COASY: variants seen among roughly 807,000 people sequenced by gnomAD.
COASY encodes the protein Coenzyme A synthase.
Under a neutral mutation model 49.4 loss-of-function variants are expected in COASY, and 31 were observed. The ratio of observed to expected loss-of-function variants is 0.63; its 90% CI spans 0.47 to 0.85. COASY has a LOEUF of 0.85. Ranked by LOEUF, COASY falls within the 40% of genes least tolerant of loss-of-function variation. The pLI, the probability that COASY is intolerant of heterozygous loss-of-function variation, is 0.00. For synonymous variants in COASY, 285 were observed against 310.9 expected, an observed-to-expected ratio of 0.92 and a Z score of 0.88; for missense variants, 730 against 734.1, an observed-to-expected ratio of 0.99 and a Z score of 0.06.
At chr17:42,565,185 C>T (rs931298529) in intron 5 of COASY, 42 bp from the exon 6 acceptor site, 1 of 1,609,602 alleles carries the variant, frequency 6.2e-7, no homozygotes, top group African/African-American at 1.3e-5. Context: ...CTGGCTGCCT[C>T]TTCTAGAGAA....
chr17:42,563,708 G>A, intron 1 of COASY: 1 of 546,512 alleles, frequency 1.8e-6, no homozygotes, highest in South Asian at 2.4e-5. Context: ...GATGCCCTCT[G>A]GCACTGCTCG....
chr17:42,564,139 T>TG lies in COASY; in HGVS notation c.885dup (p.Met296AspfsTer9). ...TGGTGGTCAGCGAGGAGACCTATCGTGGGGGGATGGCCATCAACCGCTTCC... is the reference window on the plus strand; with the variant it reads ...TGGTGGTCAGCGAGGAGACCTATCGTGGGGGGGATGGCCATCAACCGCTTCC... On this transcript the variant is annotated frameshift_variant, in exon 2 of 9. Transcript: ENST00000393818. LOFTEE classifies it high-confidence loss of function. 1.2e-6 allele frequency: 2 copies of TG among 1,613,752 alleles called. No homozygotes were observed. Among genetic ancestry groups the TG allele is most frequent in the Non-Finnish European group, 8.5e-7 (1 of 1,179,924 alleles).
At position 42,565,769 on chromosome 17, in the gene COASY, C is replaced by T. The variant is rs764558706; in HGVS notation, c.1596C>T (p.Leu532=). 9 of 1,613,792 alleles carry T rather than the reference C, an allele frequency of 5.6e-6. No individual in the cohort carries two copies. The East Asian group carries it at 1.3e-4, about 24-fold the overall frequency. ...QQLVEQSHVV[L]STLWEPHITQ... is the part of the protein sequence containing the mutation. The stretch of plus-strand genomic sequence containing the variant: ...TTGTGGAACAGAGCCACGTGGTGCT[C>T]AGCACCTTGTGGGAGCCGCATATCA... The change falls in exon 8 of 9, where the codon CTC becomes CTT. Residue 532 remains leucine (L), a synonymous_variant. Transcript: ENST00000393818.
intron 1 of COASY, chr17:42,563,599 CTGGGAATGAA>C: frequency 1.9e-6 from 1 of 521,368 alleles, no homozygotes; most frequent in Non-Finnish European, 3.4e-6. Flanking sequence ...TAATGAGACA[CTGGGAATGAA>C]TGGGTGAGTG....
intron 2 of COASY, 52 bp downstream of exon 2, chr17:42,564,227 C>T: frequency 6.4e-7 from 1 of 1,559,160 alleles, no homozygotes; most frequent in Non-Finnish European, 8.8e-7. Context: ...CGGGGAAGGC[C>T]ATTTTGAGGG....
chr17:42,565,176 T>G, intron 5 of COASY, 51 bp from the exon 6 acceptor site: 1 of 1,604,780 alleles, frequency 6.2e-7, no homozygotes, highest in Non-Finnish European at 8.5e-7. Flanking sequence ...TTGCTCGGGC[T>G]GGCTGCCTCT....
At position 42,563,090 on chromosome 17, in the gene COASY, T is replaced by C. The variant is rs1282709337; in HGVS notation, c.468T>C (p.Tyr156=). The C allele has an allele frequency of 1.2e-6, 2 of 1,613,722 alleles. No homozygotes were observed. The highest frequency in any genetic ancestry group is 1.7e-6 in the Non-Finnish European group (2 of 1,179,778). The change falls in exon 1 of 9, where the codon TAT becomes TAC. Residue 156 remains tyrosine, a synonymous_variant. Transcript: ENST00000393818. ...RLASVLLYSD[Y]GIGEVPVEPL... is the part of the protein sequence containing the mutation. ...CCTCGGTGCTGCTATACTCCGATTATGGGATAGGAGAAGTGCCCGTGGAGC... is the reference window on the plus strand; with the variant it reads ...CCTCGGTGCTGCTATACTCCGATTACGGGATAGGAGAAGTGCCCGTGGAGC...
intron 1 of COASY, 79 bp downstream of exon 1, chr17:42,563,401 A>C (rs2092987451): frequency 7.5e-7 from 1 of 1,333,038 alleles, no homozygotes. Context: ...AGATCAAGGA[A>C]GGGTAGGGCC....
chr17:42,565,213 G>A lies in COASY; in HGVS notation c.1303-14G>A, dbSNP rs771834837. The stretch of plus-strand genomic sequence containing the variant: ...CTAGAGAAGGTAACCTCTGCCCTCT[G>A]TTCCCCTCCCCAGAAGCAGCTGAAG... On this transcript the variant is annotated splice_polypyrimidine_tract_variant and intron_variant, in intron 5 of 8. Coordinates refer to ENST00000393818, the MANE Select transcript of COASY (RefSeq NM_025233.7). 5.6e-6 allele frequency: 9 copies of A among 1,613,732 alleles called. No homozygotes were observed. In the African/African-American group the frequency reaches 8.0e-5, roughly 14 times the overall value.
chr17:42,565,030 C>G lies in COASY; in HGVS notation c.1285C>G (p.Arg429Gly). The change falls in exon 5 of 9, where the codon CGG (arginine) becomes GGG (glycine). Residue 429 changes from arginine (R) to glycine (G), a missense_variant. Physicochemically the swap from Arg to Gly is moderately radical, Grantham distance 125 (BLOSUM62 -2). Transcript: ENST00000393818. ...CATCAACAGGAAGGTCCTAGGCAGC[C>G]GGGTGTTTGGGAATAAGGTAAACAA... The part of the protein sequence containing the change: ...GIINRKVLGS[R>G]VFGNKKQLKI... 3.7e-6 allele frequency: 6 copies of G among 1,614,118 alleles called. No homozygotes were observed. The highest frequency in any genetic ancestry group is 5.1e-6 in the Non-Finnish European group (6 of 1,180,000).
At position 42,563,036 on chromosome 17, in the gene COASY, C is replaced by T. The variant is rs757217072; in HGVS notation, c.414C>T (p.Thr138=). The change falls in exon 1 of 9, where the codon ACC becomes ACT. Residue 138 remains threonine, a synonymous_variant. Transcript: ENST00000393818. ...PVKQQLVRYA[T]SCYSCCPRLA... ...AACAGCAGCTAGTGCGTTACGCCAC[C>T]AGCTGTTACAGCTGTTGTCCGCGAC... The T allele has an allele frequency of 2.6e-5, 42 of 1,614,164 alleles. 1 individual carries two copies. The Middle Eastern group carries it at 1.2e-3, about 44-fold the overall frequency.
At position 42,563,945 on chromosome 17, in the gene COASY, TG is replaced by T; in HGVS notation, c.701-13del. On this transcript the variant is annotated splice_polypyrimidine_tract_variant and intron_variant, in intron 1 of 8. Transcript: ENST00000393818. The stretch of plus-strand genomic sequence containing the variant: ...CAATAAAAAGATCTCACTGTTCTTC[TG>T]GGCTCCTTCCCCAGGCAAGTTGCTC... 1 of 1,586,730 alleles carries T rather than the reference TG, an allele frequency of 6.3e-7. No homozygotes were observed. The highest frequency in any genetic ancestry group is 8.6e-7 in the Non-Finnish European group (1 of 1,162,502).
Position 42,565,656 on chromosome 17 carries a change from C to T in COASY, c.1486-3C>T. Reference sequence around the variant, plus strand: ...TCCTGACAAATGTCTCGTCTGTGCTCAGGCTGTAAGACGCATTGTGGAGAG... The same window carrying T: ...TCCTGACAAATGTCTCGTCTGTGCTTAGGCTGTAAGACGCATTGTGGAGAG... On this transcript the variant is annotated splice_polypyrimidine_tract_variant and splice_region_variant and intron_variant, in intron 7 of 8. Coordinates refer to ENST00000393818, the MANE Select transcript of COASY (RefSeq NM_025233.7). The T allele has an allele frequency of 3.1e-6, 5 of 1,614,164 alleles. No homozygotes were observed. The highest frequency in any genetic ancestry group is 4.2e-6 in the Non-Finnish European group (5 of 1,180,028).
rs755891384 is a variant in COASY, at chr17:42,564,853, C to G, written c.1192C>G (p.Pro398Ala). The G allele has an allele frequency of 5.7e-6, 9 of 1,588,636 alleles. No homozygotes were observed. Among genetic ancestry groups the G allele is most frequent in the Non-Finnish European group, 6.8e-6 (8 of 1,167,946 alleles). Reference protein sequence around the residue: ...SDHLGHRAYAPGGPAYQPVVE... With the variant: ...SDHLGHRAYAAGGPAYQPVVE... ...CCACCTGGGTCATCGGGCCTATGCC[C>G]CAGGTGGCCCTGCCTACCAGCCTGT... is the stretch of plus-strand genomic sequence containing the variant. Residue 398 changes from proline (P) to alanine (A), a missense_variant, in exon 4 of 9, where the codon CCA becomes GCA. Physicochemically the swap from Pro to Ala is conservative, Grantham distance 27. Transcript: ENST00000393818.
At chr17:42,565,098 C>G (rs1233155533) in intron 5 of COASY, 51 bp downstream of exon 5, 28 of 1,600,298 alleles carry the variant, frequency 1.7e-5, no homozygotes, top group Non-Finnish European at 2.4e-5. Context: ...ACCCAGGGGT[C>G]AGGGTCCAGT....
rs762858854 is a variant in COASY, at chr17:42,564,164, C to G, written c.904C>G (p.Arg302Gly). The G allele has an allele frequency of 1.2e-6, 2 of 1,613,854 alleles. No homozygotes were observed. The highest frequency in any genetic ancestry group is 1.7e-6 in the Non-Finnish European group (2 of 1,179,976). Reference sequence around the variant, plus strand: ...TGGGGGGATGGCCATCAACCGCTTCCGCCTTGAGAATGTAACCCCTGAGGG... The same window carrying G: ...TGGGGGGATGGCCATCAACCGCTTCGGCCTTGAGAATGTAACCCCTGAGGG... Reference protein sequence around the residue: ...YRGGMAINRFRLENDLEELAL... With the variant: ...YRGGMAINRFGLENDLEELAL... Residue 302 changes from arginine to glycine, a missense_variant, in exon 2 of 9, where the codon CGC (arginine) becomes GGC (glycine). Transcript: ENST00000393818.
rs2092987622 is a variant in COASY, at chr17:42,563,435, A to G, written c.700+113A>G. On this transcript the variant is annotated intron_variant, in intron 1 of 8. Transcript: ENST00000393818. ...CCATTCATTACTTCCCACCCTTCCC[A>G]AATGTCACAGTGGTTGACACTCAAT... 2.9e-6 allele frequency: 3 copies of G among 1,036,038 alleles called. No individual in the cohort carries two copies. In the African/African-American group the frequency reaches 4.9e-5, roughly 17 times the overall value. The allele number at this position is 1,036,038 out of a possible 1,614,324, so 64.2% of individuals were successfully genotyped here.
At chr17:42,565,614 C>T (rs759578265) in intron 7 of COASY, 45 bp from the exon 8 acceptor site, 25 of 1,613,926 alleles carry the variant, frequency 1.5e-5, no homozygotes, top group Non-Finnish European at 2.0e-5. Flanking sequence ...AGATCCTATC[C>T]TGTGAGCTGG....
chr17:42,562,680 C>T lies in COASY; in HGVS notation c.58C>T (p.Pro20Ser). ...VLTTPLASLA[P>S]RLASILTSAA... Reference sequence around the variant, plus strand: ...GACGACGCCGCTGGCCTCCCTAGCCCCTCGCCTGGCCTCCATCCTGACCTC... The same window carrying T: ...GACGACGCCGCTGGCCTCCCTAGCCTCTCGCCTGGCCTCCATCCTGACCTC... The change falls in exon 1 of 9, where the codon CCT becomes TCT. Residue 20 changes from proline (P) to serine (S), a missense_variant. Physicochemically the swap from Pro to Ser is moderately conservative, Grantham distance 74 (BLOSUM62 -1). Coordinates refer to ENST00000393818, the MANE Select transcript of COASY (RefSeq NM_025233.7). 2 of 1,539,826 alleles carry T rather than the reference C, an allele frequency of 1.3e-6. No homozygotes were observed. The highest frequency in any genetic ancestry group is 1.7e-4 in the Middle Eastern group (1 of 5,754).
Sources: allele counts gnomAD v4.1 joint callset, GRCh38; gene constraint gnomAD v4.1.1; transcripts MANE v1.5; gene names NCBI Gene and HGNC (gene_info 2026-07-23, HGNC 2026-07-21).